The following CELSR1 variants were observed in gnomAD, a reference collection of about 807,000 sequenced individuals.
CELSR1 encodes the protein cadherin EGF LAG seven-pass G-type receptor 1.
CELSR1 carries 110 observed loss-of-function variants against 249.1 expected under a neutral mutation model. The observed-to-expected ratio is 0.44, with a 90% confidence interval of 0.38 to 0.52. The LOEUF is 0.52. Among genes scored for constraint, CELSR1 ranks in the 20% least tolerant of loss-of-function variants. The pLI is 0.00. For missense variants in CELSR1, 4,109 were observed against 4,296.4 expected (o/e 0.96, Z 1.22); for synonymous variants, 2,113 against 1,900.0 (o/e 1.11, Z -2.92).
Position 46,482,657 on chromosome 22 carries a change from G to C in CELSR1, c.3545-18312C>G, listed in dbSNP as rs535864705. Reference sequence around the variant, plus strand: ...TTGAACCCAGGAGGCAAAGGTTGCAGTGAGCTGAGCTTGTGCACTGTACTC... The same window carrying C: ...TTGAACCCAGGAGGCAAAGGTTGCACTGAGCTGAGCTTGTGCACTGTACTC... On this transcript the variant is annotated intron_variant, in intron 1 of 34. Coordinates refer to ENST00000674500, the MANE Select transcript of CELSR1 (RefSeq NM_001378328.1). Among the ~76,000 whole-genome samples, 3 of 152,210 alleles carry C rather than the reference G, an allele frequency of 2.0e-5. No individual in the cohort carries two copies. In the South Asian group the frequency reaches 6.2e-4, roughly 32 times the overall value.
chr22:46,462,312 C>G (rs1485542117), intron 2 of CELSR1, among the ~76,000 whole-genome samples: 1 of 152,198 alleles, frequency 6.6e-6, no homozygotes, highest in East Asian at 1.9e-4. Flanking sequence ...GGCCACCAAC[C>G]TGGAGCGCAG....
intron 1 of CELSR1, among the ~76,000 whole-genome samples, chr22:46,478,445 C>T (rs1282432018): frequency 4.6e-5 from 7 of 152,194 alleles, no homozygotes; most frequent in Admixed American, 2.6e-4. Context: ...CATGACAATG[C>T]GGCCCTGAGC....
intron 1 of CELSR1, among the ~76,000 whole-genome samples, chr22:46,514,984 C>T (rs2080611951): frequency 1.3e-5 from 2 of 152,206 alleles, no homozygotes; most frequent in African/African-American, 2.4e-5. Flanking sequence ...GTCCAAACCC[C>T]AGCCCTCTTG....
In CELSR1 at chr22:46,506,836, C is replaced by T. The variant is rs547978548; in HGVS notation, c.3544+26791G>A. Among the ~76,000 whole-genome samples, 50 of 152,330 alleles carry T rather than the reference C, an allele frequency of 3.3e-4. 2 individuals are homozygous for T. The South Asian group carries it at 9.3e-3, about 28-fold the overall frequency. On this transcript the variant is annotated intron_variant, in intron 1 of 34. Coordinates refer to ENST00000674500, the MANE Select transcript of CELSR1 (RefSeq NM_001378328.1). The surrounding 1 kb of genome is among the most constrained non-coding windows in gnomAD (Gnocchi z 4.1). ...GCCAAGCCCGGGGGTGTCTTCTCCA[C>T]GGTCTGTCACCCGCACCACCAGGAC...
intron 1 of CELSR1, among the ~76,000 whole-genome samples, chr22:46,523,398 G>A (rs1388665434): frequency 5.3e-5 from 8 of 151,896 alleles, no homozygotes; most frequent in Non-Finnish European, 1.2e-4. Context: ...GTGTGGTAGC[G>A]GGCACCTGTA....
Position 46,428,936 on chromosome 22 carries a change from C to T in CELSR1, c.4611+4457G>A, listed in dbSNP as rs985268562. Among the ~76,000 whole-genome samples, 16 of 152,170 alleles carry T rather than the reference C, an allele frequency of 1.1e-4. No individual in the cohort carries two copies. Among genetic ancestry groups the T allele is most frequent in the Non-Finnish European group, 2.2e-4 (15 of 68,028 alleles). Reference sequence around the variant, plus strand: ...AGGCTCAGCTGGCTTTAGAAGATGCCCAGGTCAGGTGGACACGAGCCACCC... The same window carrying T: ...AGGCTCAGCTGGCTTTAGAAGATGCTCAGGTCAGGTGGACACGAGCCACCC... On this transcript the variant is annotated intron_variant, in intron 5 of 34. Coordinates refer to ENST00000674500, the MANE Select transcript of CELSR1 (RefSeq NM_001378328.1). The surrounding 1 kb of genome is among the most constrained non-coding windows in gnomAD (Gnocchi z 5.7).
intron 5 of CELSR1, among the ~76,000 whole-genome samples, chr22:46,432,515 G>C (rs541062049): frequency 6.6e-6 from 1 of 152,234 alleles, no homozygotes; most frequent in East Asian, 1.9e-4. Context: ...ACGAGCAAGC[G>C]GGGGCACACC....
At chr22:46,369,028 C>T in intron 27 of CELSR1, 151 bp downstream of exon 27, 2 of 687,604 alleles carry the variant, frequency 2.9e-6, no homozygotes, top group East Asian at 2.6e-5. Context: ...CGTGGCAAAC[C>T]TCTCTGGAGC....
rs1355366813 is a variant in CELSR1 at position 46,454,725 on chromosome 22, A to G, written c.4183+8982T>C. Among the ~76,000 whole-genome samples the G allele has an allele frequency of 6.6e-6, 1 of 152,258 alleles. No individual in the cohort carries two copies. The highest frequency in any genetic ancestry group is 2.4e-5 in the African/African-American group (1 of 41,472). ...GCTTAGCGTTCGCAAAGGTAAACAC[A>G]TCGCAGAAACCTGCCTCCCACCCTG... On this transcript the variant is annotated intron_variant, in intron 2 of 34. Transcript: ENST00000674500. This position sits in a 1 kb window ranked among gnomAD's most constrained non-coding sequence, Gnocchi z 5.1.
intron 20 of CELSR1, among the ~76,000 whole-genome samples, chr22:46,382,766 G>A (rs57765605): frequency 0.16 from 24,180 of 152,116 alleles, 3,008 homozygotes; most frequent in African/African-American, 0.35. Flanking sequence ...TGAACCTAGC[G>A]GACATTAGGC....
chr22:46,492,671 A>C (rs2147703477), intron 1 of CELSR1, among the ~76,000 whole-genome samples: 1 of 152,184 alleles, frequency 6.6e-6, no homozygotes, highest in East Asian at 1.9e-4. Context: ...TAAAAATAAC[A>C]AAAATTAGCT....
At position 46,407,305 on chromosome 22, in the gene CELSR1, ACACACTTG is replaced by A. The variant is rs1442083705; in HGVS notation, c.5226+1683_5226+1690del. ...TGCACATACACAGACTGACATGCAC[ACACACTTG>A]CACGGAGATATGCGCACACACACAC... On this transcript the variant is annotated intron_variant, in intron 9 of 34. Transcript: ENST00000674500. The surrounding 1 kb of genome is among the most constrained non-coding windows in gnomAD (Gnocchi z 4.8). Among the ~76,000 whole-genome samples, 4 of 152,166 alleles carry A rather than the reference ACACACTTG, an allele frequency of 2.6e-5. No homozygotes were observed. The highest frequency in any genetic ancestry group is 9.7e-5 in the African/African-American group (4 of 41,412).
In CELSR1 at chr22:46,396,997, C is replaced by G. The variant is rs2079155063; in HGVS notation, c.5702-251G>C. Among the ~76,000 whole-genome samples, 1 of 151,566 alleles carries G rather than the reference C, an allele frequency of 6.6e-6. No individual in the cohort carries two copies. The highest frequency in any genetic ancestry group is 1.5e-5 in the Non-Finnish European group (1 of 68,032). On this transcript the variant is annotated intron_variant, in intron 12 of 34. Transcript: ENST00000674500. The surrounding 1 kb of genome is among the most constrained non-coding windows in gnomAD (Gnocchi z 6.4). ...CTTGGAACACGGGGCCCAGGCTGCC[C>G]CAGGACACATGGGGAATGGCCACCA... is the stretch of plus-strand genomic sequence containing the variant.
intron 1 of CELSR1, among the ~76,000 whole-genome samples, chr22:46,497,009 T>TACACGACTGGTAGCAC (rs2080420659): frequency 6.6e-6 from 1 of 152,252 alleles, no homozygotes; most frequent in Admixed American, 6.5e-5. Flanking sequence ...GCTAGAATTT[T>TACACGACTGGTAGCAC]ACACGACTGG....
chr22:46,511,382 C>G (rs533817984), intron 1 of CELSR1, among the ~76,000 whole-genome samples: 1 of 152,346 alleles, frequency 6.6e-6, no homozygotes, highest in East Asian at 1.9e-4. Context: ...CCACAACCTC[C>G]TGGCCAGGCC....
rs574467190 is a variant in CELSR1, at chr22:46,367,914, C to A, written c.7953-59G>T. On this transcript the variant is annotated intron_variant, in intron 27 of 34. Transcript: ENST00000674500. The stretch of plus-strand genomic sequence containing the variant: ...GCCACCACCTGCTCCCTTCCTCCCT[C>A]CCTCTCTGCACGTCCACCTGTCCAC... The A allele has an allele frequency of 5.2e-4, 803 of 1,545,450 alleles. 1 individual carries two copies. In the Middle Eastern group the frequency reaches 5.8e-3, roughly 11 times the overall value.
At position 46,408,759 on chromosome 22, in the gene CELSR1, G is replaced by C. The variant is rs969653106; in HGVS notation, c.5226+237C>G. ...AGGCTAGAGGGAGACCAGAACTGCC[G>C]CTGAGCTCTGCTGGGCCCCAGGGTT... is the stretch of plus-strand genomic sequence containing the variant. On this transcript the variant is annotated intron_variant, in intron 9 of 34. Coordinates refer to ENST00000674500, the MANE Select transcript of CELSR1 (RefSeq NM_001378328.1). This position sits in a 1 kb window ranked among gnomAD's most constrained non-coding sequence, Gnocchi z 4.6. Among the ~76,000 whole-genome samples the C allele has an allele frequency of 1.3e-5, 2 of 152,202 alleles. No individual in the cohort carries two copies. The highest frequency in any genetic ancestry group is 2.9e-5 in the Non-Finnish European group (2 of 68,010).
intron 1 of CELSR1, among the ~76,000 whole-genome samples, chr22:46,524,682 C>T (rs555043643): frequency 6.6e-6 from 1 of 152,212 alleles, no homozygotes; most frequent in Admixed American, 6.5e-5. Flanking sequence ...TGGGGCTTTT[C>T]CCAGCTATGG....
intron 28 of CELSR1, 77 bp from the exon 29 acceptor site, chr22:46,367,195 C>A (rs1184730708): frequency 3.3e-6 from 5 of 1,530,844 alleles, no homozygotes; most frequent in Non-Finnish European, 4.4e-6. Flanking sequence ...AGCACAGATG[C>A]GCATACAGCC....
Sources: gnomAD v4.1 joint callset for allele counts (sites outside exome capture counted in the v4.1 genomes callset) on GRCh38, gnomAD v4.1.1 for gene constraint, Gnocchi (gnomAD v3.1) non-coding constraint, MANE v1.5 for transcripts, NCBI Gene and HGNC (gene_info 2026-07-23, HGNC 2026-07-21) for gene names.